PACRGL: variants seen among roughly 807,000 people sequenced by gnomAD.
PACRGL encodes PACRG-like protein.
In PACRGL, 38 loss-of-function variants were observed where a neutral mutation model predicts 34.5. That is an observed-to-expected ratio of 1.10 (90% CI 0.85 to 1.44). The LOEUF (loss-of-function observed/expected upper bound fraction) is 1.44. Ranked by LOEUF, PACRGL falls within the 40% of genes most tolerant of loss-of-function variation. PACRGL has a pLI of 0.00. For synonymous variants in PACRGL, 128 were observed against 100.1 expected (o/e 1.28, Z -1.66); for missense variants, 305 against 281.4 (o/e 1.08, Z -0.60).
chr4:20,752,007 G>T (rs1411759432), intron 8 of PACRGL, among the ~76,000 whole-genome samples: 1 of 148,312 alleles, frequency 6.7e-6, no homozygotes, highest in East Asian at 2.0e-4. Context: ...GTGTGGCTCA[G>T]TTTCCTCATC....
upstream of PACRGL, among the ~76,000 whole-genome samples, chr4:20,699,872 A>T (rs548543045): frequency 6.6e-6 from 1 of 152,194 alleles, no homozygotes; most frequent in African/African-American, 2.4e-5. Flanking sequence ...AAAATAATGT[A>T]GAGCACAAAA....
chr4:20,738,129 CAA>C (rs200429048), intron 8 of PACRGL, among the ~76,000 whole-genome samples: 10 of 115,554 alleles, frequency 8.7e-5, no homozygotes, highest in Admixed American at 2.7e-4. Flanking sequence ...GACTCTGTCT[CAA>C]AAAAAAAAAA....
chr4:20,709,273 G>T (rs1443792230), intron 4 of PACRGL, among the ~76,000 whole-genome samples: 1 of 152,104 alleles, frequency 6.6e-6, no homozygotes, highest in Non-Finnish European at 1.5e-5. Context: ...TAGCCTTCAG[G>T]TTATTAGTGT....
intron 7 of PACRGL, among the ~76,000 whole-genome samples, chr4:20,714,259 TC>T (rs1738706007): frequency 6.6e-6 from 1 of 152,198 alleles, no homozygotes; most frequent in Non-Finnish European, 1.5e-5. Context: ...GTAATGGCCT[TC>T]TTTGTCTCTT....
In PACRGL at chr4:20,729,078, T is replaced by A. The variant is rs948547392; in HGVS notation, c.*1737T>A. The A allele has an allele frequency of 6.6e-6, 1 of 152,440 alleles. No homozygotes were observed. The highest frequency in any genetic ancestry group is 1.5e-5 in the Non-Finnish European group (1 of 68,002). The allele number at this position is 152,440 out of a possible 1,614,324, so 9.4% of individuals were successfully genotyped here. A position where few individuals can be genotyped will look rare whatever the true frequency, so the allele number is the denominator to read the frequency against. ...TTGCTTGCTAATTTTGCTTGCTGTT[T>A]GTTCTTAGTAGACAGTGGGGTAGTC... On this transcript the variant is annotated 3_prime_UTR_variant, in exon 9 of 9. Transcript: ENST00000503585.
intron 8 of PACRGL, among the ~76,000 whole-genome samples, chr4:20,739,368 C>G (rs780401037): frequency 1.3e-5 from 2 of 152,120 alleles, no homozygotes; most frequent in Non-Finnish European, 2.9e-5. Flanking sequence ...GCCAGGTGCC[C>G]CTCTAAGACA....
In PACRGL at chr4:20,720,793, A is replaced by G. The variant is rs139121892; in HGVS notation, c.610-4015A>G. Reference sequence around the variant, plus strand: ...CATTTCAACCTTGGTGAATCTGACAATTATGTGTCTTGGAGTTGCTCTTCT... The same window carrying G: ...CATTTCAACCTTGGTGAATCTGACAGTTATGTGTCTTGGAGTTGCTCTTCT... On this transcript the variant is annotated intron_variant, in intron 7 of 8. Coordinates refer to ENST00000503585, the MANE Select transcript of PACRGL (RefSeq NM_001258345.3). Among the ~76,000 whole-genome samples the G allele has an allele frequency of 2.3e-3, 349 of 151,836 alleles. 8 individuals are homozygous for G. The South Asian group carries it at 0.046, about 20-fold the overall frequency.
chr4:20,758,508 T>G, the PACRGL span, among the ~76,000 whole-genome samples: 1 of 152,156 alleles, frequency 6.6e-6, no homozygotes, highest in Non-Finnish European at 1.5e-5. Flanking sequence ...AGACCTACAA[T>G]GCATGTGAAT....
At position 20,727,427 on chromosome 4, in the gene PACRGL, A is replaced by G. The variant is rs2149218391; in HGVS notation, c.*86A>G. 9.0e-7 allele frequency: 1 copy of G among 1,111,290 alleles called. No homozygotes were observed. Among genetic ancestry groups the G allele is most frequent in the Non-Finnish European group, 1.4e-6 (1 of 738,468 alleles). 68.8% of individuals were successfully genotyped at this position (1,111,290 alleles called of 1,614,324 possible). On this transcript the variant is annotated 3_prime_UTR_variant, in exon 9 of 9. Transcript: ENST00000503585. ...GTACTCATTTATTTTATTCTTTTGT[A>G]AATCACAGCCACCATTCATTATTTA...
chr4:20,714,707 A>C (rs1738974570), intron 7 of PACRGL, among the ~76,000 whole-genome samples: 1 of 152,094 alleles, frequency 6.6e-6, no homozygotes, highest in East Asian at 1.9e-4. Flanking sequence ...GGAAATGCAA[A>C]TCAAAACCAC....
chr4:20,723,338 G>A (rs1744234238), intron 7 of PACRGL, among the ~76,000 whole-genome samples: 1 of 152,140 alleles, frequency 6.6e-6, no homozygotes, highest in Non-Finnish European at 1.5e-5. Flanking sequence ...TTTGTGCCAG[G>A]TATGCCAAGC....
At chr4:20,740,229 A>C (rs1750738966) in intron 8 of PACRGL, among the ~76,000 whole-genome samples, 1 of 152,156 alleles carries the variant, frequency 6.6e-6, no homozygotes, top group Non-Finnish European at 1.5e-5. Context: ...CAGGAAATAC[A>C]GAGAATGCCA....
intron 1 of PACRGL, chr4:20,702,788 T>C (rs932816034): frequency 1.3e-5 from 2 of 152,268 alleles, no homozygotes; most frequent in Non-Finnish European, 2.9e-5. Context: ...TAGACTATTA[T>C]CTGACAACTT....
chr4:20,719,473 A>T (rs1461934686), intron 7 of PACRGL, among the ~76,000 whole-genome samples: 1 of 152,182 alleles, frequency 6.6e-6, no homozygotes, highest in Non-Finnish European at 1.5e-5. Context: ...TTTTAGTGCT[A>T]TAAATTTCCC....
chr4:20,749,609 A>G, intron 8 of PACRGL: 1 of 1,284,352 alleles, frequency 7.8e-7, no homozygotes, highest in Non-Finnish European at 1.1e-6. Flanking sequence ...TTTTCCCCCT[A>G]AAAAGACTAA....
In PACRGL at chr4:20,727,214, C is replaced by A. The variant is rs112613730; in HGVS notation, c.691-71C>A. On this transcript the variant is annotated intron_variant, in intron 8 of 8. Coordinates refer to ENST00000503585, the MANE Select transcript of PACRGL (RefSeq NM_001258345.3). ...GTTTTAGATACTTTCTAGGCATATT[C>A]CTGCAAATATAATACCTATTAGGGG... The A allele has an allele frequency of 7.5e-6, 10 of 1,328,092 alleles. No individual in the cohort carries two copies. In the African/African-American group the frequency reaches 1.0e-4, roughly 14 times the overall value. The allele number at this position is 1,328,092 out of a possible 1,614,324, so 82.3% of individuals were successfully genotyped here.
intron 7 of PACRGL, among the ~76,000 whole-genome samples, chr4:20,719,151 G>T (rs1374703390): frequency 6.6e-6 from 1 of 152,128 alleles, no homozygotes; most frequent in African/African-American, 2.4e-5. Context: ...ATGGTAGTTT[G>T]TATTTCTGTG....
intron 7 of PACRGL, among the ~76,000 whole-genome samples, chr4:20,721,857 G>T (rs948506444): frequency 3.4e-4 from 52 of 152,328 alleles, no homozygotes; most frequent in African/African-American, 1.0e-3. Context: ...AAAGCTGTCA[G>T]ACAGGGACAT....
the PACRGL span, among the ~76,000 whole-genome samples, chr4:20,763,264 G>A: frequency 6.6e-6 from 1 of 152,230 alleles, no homozygotes; most frequent in African/African-American, 2.4e-5. Context: ...ACAGTATTTT[G>A]CTTTTTTGGA....
Sources: gnomAD v4.1 joint callset for allele counts (sites outside exome capture counted in the v4.1 genomes callset) on GRCh38, gnomAD v4.1.1 for gene constraint, MANE v1.5 for transcripts, NCBI Gene and HGNC (gene_info 2026-07-23, HGNC 2026-07-21) for gene names.